VPS53: variants seen among roughly 807,000 people sequenced by gnomAD.
The protein encoded by VPS53 is VPS53 subunit of GARP complex, also known as vacuolar protein sorting-associated protein 53 homolog.
VPS53 carries 70 observed loss-of-function variants against 107.0 expected under a neutral mutation model. The observed-to-expected ratio is 0.65, with a 90% CI of 0.54 to 0.80. The LOEUF is 0.80. Among genes scored for constraint, VPS53 ranks in the 30% least tolerant of loss-of-function variants. The pLI, the probability that VPS53 is intolerant of heterozygous loss-of-function variation, is 0.00. For synonymous variants in VPS53, 409 were observed against 393.3 expected, an observed-to-expected ratio of 1.04 and a Z score of -0.47; for missense variants, 917 against 1,049.4, an observed-to-expected ratio of 0.87 and a Z score of 1.74.
rs1350544428 is a variant in VPS53, at chr17:609,790, A to C, written c.1117-7894T>G. ...GGTAAGAGACAGCGAAGAGGAGAGA[A>C]GAGAGAAGAGAAGAGAGGAAAAAAA... On this transcript the variant is annotated intron_variant, in intron 11 of 21. Coordinates refer to ENST00000437048, the MANE Select transcript of VPS53 (RefSeq NM_001128159.3). Among the ~76,000 whole-genome samples the C allele has an allele frequency of 5.3e-5, 8 of 151,932 alleles. 1 individual carries two copies. The highest frequency in any genetic ancestry group is 4.6e-4 in the Admixed American group (7 of 15,260).
chr17:699,391 G>A lies in VPS53; in HGVS notation c.169-11C>T, dbSNP rs747724734. ...TATGTTCGCCAGAGACTACAATAAAGAAGGAAGAGTGCCCAGCTGTTAGTC... is the reference window on the plus strand; with the variant it reads ...TATGTTCGCCAGAGACTACAATAAAAAAGGAAGAGTGCCCAGCTGTTAGTC... On this transcript the variant is annotated splice_polypyrimidine_tract_variant and intron_variant, in intron 2 of 21. Transcript: ENST00000437048. 8.4e-6 allele frequency: 13 copies of A among 1,553,256 alleles called. No individual in the cohort carries two copies. Among genetic ancestry groups the A allele is most frequent in the South Asian group, 1.2e-5 (1 of 80,554 alleles).
chr17:711,370 C>T (rs371751035), intron 1 of VPS53, among the ~76,000 whole-genome samples: 67 of 152,288 alleles, frequency 4.4e-4, no homozygotes, highest in African/African-American at 1.6e-3. Context: ...TCTGAAGAAG[C>T]CTTCCAAAGA....
chr17:579,043 G>A (rs1188578725), intron 13 of VPS53, among the ~76,000 whole-genome samples: 2 of 142,608 alleles, frequency 1.4e-5, no homozygotes, highest in Admixed American at 7.0e-5. Flanking sequence ...GACCTAATGC[G>A]GTCCCAGAGA....
chr17:634,554 C>T (rs1396454225), intron 7 of VPS53, among the ~76,000 whole-genome samples: 1 of 117,274 alleles, frequency 8.5e-6, no homozygotes, highest in Non-Finnish European at 1.7e-5. Flanking sequence ...CCTCCCCCCA[C>T]CCCACAACAG....
At position 520,543 on chromosome 17, in the gene VPS53, CAAAGG is replaced by C. The variant is rs1397026574; in HGVS notation, c.2224-618_2224-614del. On this transcript the variant is annotated intron_variant, in intron 20 of 21. Coordinates refer to ENST00000437048, the MANE Select transcript of VPS53 (RefSeq NM_001128159.3). This position sits in a 1 kb window ranked among gnomAD's most constrained non-coding sequence, Gnocchi z 4.4. ...CTTAAACTATCAATTAACATACAAA[CAAAGG>C]AAAGGAACGGCACTGCAACCCTTAT... Among the ~76,000 whole-genome samples the C allele has an allele frequency of 1.3e-5, 2 of 152,188 alleles. No individual in the cohort carries two copies. The highest frequency in any genetic ancestry group is 2.9e-5 in the Non-Finnish European group (2 of 68,030).
chr17:707,095 A>T (rs1212769081), intron 2 of VPS53, among the ~76,000 whole-genome samples: 1 of 152,258 alleles, frequency 6.6e-6, no homozygotes, highest in Non-Finnish European at 1.5e-5. Context: ...GGGTGTGAGG[A>T]GCAAACACTG....
chr17:656,700 A>ATGTATGTGTGTG, intron 5 of VPS53: 1 of 553,552 alleles, frequency 1.8e-6, no homozygotes, highest in East Asian at 3.1e-5. Context: ...TGACTAAGAA[A>ATGTATGTGTGTG]TGTGTGTGTG....
In VPS53 at chr17:562,600, G is replaced by C. The variant is rs752336844; in HGVS notation, c.1459C>G (p.Gln487Glu). 7.4e-6 allele frequency: 12 copies of C among 1,614,078 alleles called. No homozygotes were observed. The highest frequency in any genetic ancestry group is 1.0e-5 in the Non-Finnish European group (12 of 1,180,016). Residue 487 changes from glutamine to glutamate, a missense_variant, in exon 14 of 22, where the codon CAG becomes GAG. Physicochemically the swap from Gln to Glu is conservative, Grantham distance 29. Transcript: ENST00000437048. ...ATCATGGGCTCCCCAGTACTGAGCTGAGAGCATTGCACCATGCACTTCTTG... is the reference window on the plus strand; with the variant it reads ...ATCATGGGCTCCCCAGTACTGAGCTCAGAGCATTGCACCATGCACTTCTTG... ...YYKKCMVQCSQLSTGEPMIAL... is the reference protein window; with the variant it reads ...YYKKCMVQCSELSTGEPMIAL...
chr17:683,090 CA>C (rs1409186292), intron 4 of VPS53, among the ~76,000 whole-genome samples: 1 of 151,592 alleles, frequency 6.6e-6, no homozygotes, highest in Non-Finnish European at 1.5e-5. Flanking sequence ...TAAGGTGGGT[CA>C]ATAGAAAGTA....
chr17:564,917 A>G (rs1039332794), intron 13 of VPS53, among the ~76,000 whole-genome samples: 1 of 152,172 alleles, frequency 6.6e-6, no homozygotes, highest in Non-Finnish European at 1.5e-5. Flanking sequence ...TGTGTGAAGA[A>G]TGGGAAGGGT....
Position 519,171 on chromosome 17 carries a change from G to A in VPS53, c.2456C>T (p.Ser819Leu), listed in dbSNP as rs1332282587. ...LTAPTPEQESSRIRKLEKLIK... is the reference protein window; with the variant it reads ...LTAPTPEQESLRIRKLEKLIK... ...GAGTTTCTCGAGCTTGCGGATGCGT[G>A]ACGACTCTTGCTCTGGTGTTGGCGC... The change falls in exon 22 of 22, where the codon TCA becomes TTA. Residue 819 changes from serine (S) to leucine (L), a missense_variant. By Grantham distance (145) the Ser-to-Leu change is moderately radical. Coordinates refer to ENST00000437048, the MANE Select transcript of VPS53 (RefSeq NM_001128159.3). The surrounding 1 kb of genome is among the most constrained non-coding windows in gnomAD (Gnocchi z 5.0). The A allele has an allele frequency of 1.9e-6, 3 of 1,546,362 alleles. No individual in the cohort carries two copies. Among genetic ancestry groups the A allele is most frequent in the Non-Finnish European group, 2.6e-6 (3 of 1,144,896 alleles).
intron 10 of VPS53, among the ~76,000 whole-genome samples, chr17:623,894 G>A (rs990906895): frequency 2.0e-5 from 3 of 151,776 alleles, no homozygotes; most frequent in African/African-American, 4.8e-5. Context: ...AAAAATCAGG[G>A]GTCATGGATG....
At chr17:656,863 T>C in intron 5 of VPS53, 3 of 1,590,088 alleles carry the variant, frequency 1.9e-6, no homozygotes, top group Non-Finnish European at 2.6e-6. Flanking sequence ...GGATACCCTT[T>C]CCTCGGGGAA....
chr17:670,018 C>T, intron 4 of VPS53, among the ~76,000 whole-genome samples: 1 of 152,186 alleles, frequency 6.6e-6, no homozygotes. Context: ...TAATCTACCC[C>T]ACTAGAGTTT....
At chr17:708,955 T>C (rs1051797321) in intron 2 of VPS53, among the ~76,000 whole-genome samples, 7 of 152,174 alleles carry the variant, frequency 4.6e-5, no homozygotes, top group African/African-American at 1.4e-4. Flanking sequence ...GGCACCTGGG[T>C]TTCTTTCCGC....
At chr17:710,123 C>T (rs771583321) in intron 2 of VPS53, among the ~76,000 whole-genome samples, 6 of 151,976 alleles carry the variant, frequency 3.9e-5, no homozygotes, top group African/African-American at 7.3e-5. Context: ...CCAGCCTGAA[C>T]GACAACAGCA....
In VPS53 at chr17:558,008, T is replaced by C. The variant is rs184809328; in HGVS notation, c.1704+2418A>G. On this transcript the variant is annotated intron_variant, in intron 15 of 21. Coordinates refer to ENST00000437048, the MANE Select transcript of VPS53 (RefSeq NM_001128159.3). The stretch of plus-strand genomic sequence containing the variant: ...CCAAGTAGCTGAGACCACAGGCATG[T>C]ACCACCACACTCAACTAACTTTTAA... 9.5e-4 allele frequency among the ~76,000 whole-genome samples: 144 copies of C among 152,188 alleles called. 2 individuals are homozygous for C. Among genetic ancestry groups the C allele is most frequent in the African/African-American group, 3.4e-3 (141 of 41,540 alleles).
At position 631,910 on chromosome 17, in the gene VPS53, G is replaced by A. The variant is rs147131706; in HGVS notation, c.609-282C>T. On this transcript the variant is annotated intron_variant, in intron 7 of 21. Transcript: ENST00000437048. ...TTAATCTTTATACAGTTCCACTGGG[G>A]GATAGTCATGCTGTGGGAAAATGTT... 1.6e-3 allele frequency among the ~76,000 whole-genome samples: 247 copies of A among 152,114 alleles called. 3 individuals are homozygous for A. Among genetic ancestry groups the A allele is most frequent in the African/African-American group, 4.9e-3 (205 of 41,494 alleles).
chr17:658,318 G>A (rs1169934276), intron 5 of VPS53, among the ~76,000 whole-genome samples: 1 of 137,592 alleles, frequency 7.3e-6, no homozygotes, highest in African/African-American at 2.6e-5. Flanking sequence ...CCACTGAAGT[G>A]AGACACTCGG....
Sources: gnomAD v4.1 joint callset for allele counts (sites outside exome capture counted in the v4.1 genomes callset) on GRCh38, gnomAD v4.1.1 for gene constraint, Gnocchi (gnomAD v3.1) non-coding constraint, MANE v1.5 for transcripts, NCBI Gene and HGNC (gene_info 2026-07-23, HGNC 2026-07-21) for gene names.